The following CYP7B1 variants were observed in gnomAD, a reference collection of about 807,000 sequenced individuals.
CYP7B1 encodes cytochrome P450 7B1.
Under a neutral mutation model 42.7 loss-of-function variants are expected in CYP7B1, and 29 were observed. The observed-to-expected ratio is 0.68, with a 90% confidence interval of 0.51 to 0.93. The LOEUF (loss-of-function observed/expected upper bound fraction) is 0.93, where lower values mean the gene tolerates loss of function less well. CYP7B1 is among the 40% of genes least tolerant of loss of function. CYP7B1 has a pLI of 0.00. For synonymous variants in CYP7B1, 235 were observed against 218.2 expected, an observed-to-expected ratio of 1.08 and a Z score of -0.68; for missense variants, 655 against 600.5, an observed-to-expected ratio of 1.09 and a Z score of -0.95.
chr8:64,766,169 A>G (rs181920158), intron 1 of CYP7B1, among the ~76,000 whole-genome samples: 22 of 152,334 alleles, frequency 1.4e-4, no homozygotes, highest in African/African-American at 5.3e-4. Context: ...TTGGTGCCAC[A>G]GACATTTGCT....
intron 1 of CYP7B1, among the ~76,000 whole-genome samples, chr8:64,793,927 C>T (rs1484909199): frequency 1.3e-5 from 2 of 151,364 alleles, no homozygotes; most frequent in South Asian, 2.1e-4. Flanking sequence ...GTTGCTTGAA[C>T]CAACCTAGCA....
intron 1 of CYP7B1, among the ~76,000 whole-genome samples, chr8:64,665,404 A>C (rs1806259234): frequency 6.6e-6 from 1 of 152,156 alleles, no homozygotes; most frequent in South Asian, 2.1e-4. Flanking sequence ...GGAACTTAAA[A>C]GGCAGAAATG....
At chr8:64,605,512 C>G (rs1805265976) in intron 4 of CYP7B1, among the ~76,000 whole-genome samples, 1 of 152,182 alleles carries the variant, frequency 6.6e-6, no homozygotes, top group South Asian at 2.1e-4. Flanking sequence ...TCCTTCCTTT[C>G]CCAGTGGCCT....
At chr8:64,767,209 G>C (rs1019613945) in intron 1 of CYP7B1, among the ~76,000 whole-genome samples, 1 of 152,236 alleles carries the variant, frequency 6.6e-6, no homozygotes, top group Non-Finnish European at 1.5e-5. Flanking sequence ...TGGAGAGAAA[G>C]GGAATTCCTA....
At chr8:64,588,911 C>T (rs556796905), downstream of CYP7B1, among the ~76,000 whole-genome samples, 3 of 152,184 alleles carry the variant, frequency 2.0e-5, no homozygotes, top group African/African-American at 7.2e-5. Context: ...CTATTAAATG[C>T]CTGATGTATC....
intron 1 of CYP7B1, among the ~76,000 whole-genome samples, chr8:64,645,800 C>T (rs1012682247): frequency 6.6e-6 from 1 of 152,120 alleles, no homozygotes; most frequent in African/African-American, 2.4e-5. Flanking sequence ...TCAAACTATA[C>T]TACAAGGCTA....
intron 1 of CYP7B1, among the ~76,000 whole-genome samples, chr8:64,653,177 C>G (rs1446887275): frequency 1.3e-5 from 2 of 151,928 alleles, no homozygotes; most frequent in African/African-American, 4.8e-5. Context: ...AATTGAGACA[C>G]GAAATACCAT....
In CYP7B1 at chr8:64,594,244, CCTG is replaced by C. The variant is rs1805083002; in HGVS notation, c.*2395_*2397del. ...TTGGCCTCTGTCCCACAATAACTGT[CCTG>C]CTGACAGTGTCCATCACTGGGTAAC... On this transcript the variant is annotated 3_prime_UTR_variant, in exon 6 of 6. Transcript: ENST00000310193. Among the ~76,000 whole-genome samples, 1 of 152,022 alleles carries C rather than the reference CCTG, an allele frequency of 6.6e-6. No individual in the cohort carries two copies. Among genetic ancestry groups the C allele is most frequent in the Non-Finnish European group, 1.5e-5 (1 of 68,026 alleles).
chr8:64,683,063 T>C (rs544879062), intron 1 of CYP7B1, among the ~76,000 whole-genome samples: 1 of 152,304 alleles, frequency 6.6e-6, no homozygotes, highest in South Asian at 2.1e-4. Flanking sequence ...CAAATCCAAG[T>C]AGTGTTTCCT....
chr8:64,639,632 A>C (rs555088751), intron 1 of CYP7B1, among the ~76,000 whole-genome samples: 1 of 152,262 alleles, frequency 6.6e-6, no homozygotes, highest in African/African-American at 2.4e-5. Context: ...AAGGATGAGG[A>C]GAAACTGGAA....
At chr8:64,611,703 T>C (rs1805366518) in intron 4 of CYP7B1, among the ~76,000 whole-genome samples, 1 of 152,150 alleles carries the variant, frequency 6.6e-6, no homozygotes, top group South Asian at 2.1e-4. Context: ...GCAACTTTTC[T>C]CAATTTGAGG....
intron 1 of CYP7B1, among the ~76,000 whole-genome samples, chr8:64,680,285 G>T (rs1265290219): frequency 6.6e-6 from 1 of 151,188 alleles, no homozygotes; most frequent in African/African-American, 2.4e-5. Flanking sequence ...CTAACCAATT[G>T]AGCTTTCCTT....
Position 64,615,820 on chromosome 8 carries a change from T to C in CYP7B1, c.721A>G (p.Ile241Val). Residue 241 changes from isoleucine (I) to valine (V), a missense_variant, in exon 3 of 6, where the codon ATT (isoleucine) becomes GTT (valine). By Grantham distance (29) the Ile-to-Val change is conservative. Coordinates refer to ENST00000310193, the MANE Select transcript of CYP7B1 (RefSeq NM_004820.5). ...PIELLGNVKS[I>V]REKIIKCFSS... ...AAGCATTTTATAATTTTCTCTCTAATAGACTTGACATTTCCTAGAAGCTCA... is the reference window on the plus strand; with the variant it reads ...AAGCATTTTATAATTTTCTCTCTAACAGACTTGACATTTCCTAGAAGCTCA... 2 of 1,613,810 alleles carry C rather than the reference T, an allele frequency of 1.2e-6. No individual in the cohort carries two copies. Among genetic ancestry groups the C allele is most frequent in the Non-Finnish European group, 1.7e-6 (2 of 1,179,768 alleles).
intron 1 of CYP7B1, among the ~76,000 whole-genome samples, chr8:64,732,241 C>A (rs914462243): frequency 1.3e-5 from 2 of 152,206 alleles, no homozygotes; most frequent in African/African-American, 4.8e-5. Flanking sequence ...CTGTACCCTG[C>A]AAAGCCACAG....
chr8:64,636,654 C>A (rs1166259888), intron 1 of CYP7B1, among the ~76,000 whole-genome samples: 1 of 152,074 alleles, frequency 6.6e-6, no homozygotes, highest in Non-Finnish European at 1.5e-5. Flanking sequence ...ATATGCTGGT[C>A]ACAGATGAGG....
At chr8:64,616,736 A>G (rs910444911) in intron 2 of CYP7B1, among the ~76,000 whole-genome samples, 1 of 152,228 alleles carries the variant, frequency 6.6e-6, no homozygotes, top group Non-Finnish European at 1.5e-5. Flanking sequence ...TTCAAATACA[A>G]CAATTTTAAC....
At chr8:64,775,695 G>A (rs1356341376) in intron 1 of CYP7B1, among the ~76,000 whole-genome samples, 1 of 152,094 alleles carries the variant, frequency 6.6e-6, no homozygotes, top group South Asian at 2.1e-4. Flanking sequence ...GGGAACCTAG[G>A]GGAAGAGACA....
At chr8:64,645,730 A>G (rs4737197) in intron 1 of CYP7B1, among the ~76,000 whole-genome samples, 128,368 of 151,626 alleles carry the variant, frequency 0.85, 54,594 homozygotes, top group Middle Eastern at 0.9. Flanking sequence ...AAAAGAGCCC[A>G]CATCGCCAAG....
chr8:64,661,411 G>A (rs539864541), intron 1 of CYP7B1, among the ~76,000 whole-genome samples: 109 of 152,016 alleles, frequency 7.2e-4, no homozygotes, highest in South Asian at 1.7e-3. Context: ...ACTTTGGTGC[G>A]ATTTACTGTC....
Sources: allele counts gnomAD v4.1 joint callset (sites outside exome capture counted in the v4.1 genomes callset), GRCh38; gene constraint gnomAD v4.1.1; transcripts MANE v1.5; gene names NCBI Gene and HGNC (gene_info 2026-07-23, HGNC 2026-07-21).